The following TOX variants were observed in gnomAD, a reference collection of about 807,000 sequenced individuals.
TOX encodes thymocyte selection-associated high mobility group box protein TOX.
In TOX, 11 loss-of-function variants were observed where a neutral mutation model predicts 53.7. That is an observed-to-expected ratio of 0.20 (90% CI 0.13 to 0.34). The LOEUF is 0.34. Ranked by LOEUF, TOX falls within the 10% of genes least tolerant of loss-of-function variation. TOX has a pLI of 1.00. For missense variants in TOX, 570 were observed against 664.6 expected, an observed-to-expected ratio of 0.86 and a Z score of 1.56; for synonymous variants, 225 against 245.3, an observed-to-expected ratio of 0.92 and a Z score of 0.77.
At chr8:59,030,107 C>T (rs1585974881) in intron 1 of TOX, among the ~76,000 whole-genome samples, 1 of 152,092 alleles carries the variant, frequency 6.6e-6, no homozygotes, top group East Asian at 1.9e-4. Context: ...AAGTTATAAT[C>T]AAGAGGAAAG....
intron 2 of TOX, among the ~76,000 whole-genome samples, chr8:58,942,071 G>T (rs1244259112): frequency 6.9e-6 from 1 of 144,396 alleles, no homozygotes; most frequent in East Asian, 2.0e-4. Context: ...AAAAAAAAAA[G>T]AGAAAAGAGA....
Position 58,838,233 on chromosome 8 carries a change from G to T in TOX, c.772C>A (p.Pro258Thr), listed in dbSNP as rs1257231561. The T allele has an allele frequency of 6.2e-7, 1 of 1,614,148 alleles. No homozygotes were observed. The highest frequency in any genetic ancestry group is 2.2e-5 in the East Asian group (1 of 44,888). The change falls in exon 5 of 9, where the codon CCC (proline) becomes ACC (threonine). Residue 258 changes from proline to threonine, a missense_variant. This residue lies in a region of TOX where 49 missense variants were observed against 98.9 expected (regional missense o/e 0.50). Coordinates refer to ENST00000361421, the MANE Select transcript of TOX (RefSeq NM_014729.3). ...KTPKKKKKKD[P>T]NEPQKPVSAY... ...GACACAGGCTTCTGGGGCTCATTGG[G>T]ATCCTTCTTCTTCTTCTTTTTGGGA...
intron 1 of TOX, among the ~76,000 whole-genome samples, chr8:58,996,997 T>C (rs1813572010): frequency 6.6e-6 from 1 of 152,210 alleles, no homozygotes; most frequent in African/African-American, 2.4e-5. Flanking sequence ...CTAAGTAGTT[T>C]TAGAAATGCA....
At chr8:59,048,998 T>C (rs2129421191) in intron 1 of TOX, among the ~76,000 whole-genome samples, 1 of 152,268 alleles carries the variant, frequency 6.6e-6, no homozygotes, top group South Asian at 2.1e-4. Context: ...TTAAAATTAG[T>C]CATGAGCTCT....
At chr8:59,026,059 A>T (rs1376409102) in intron 1 of TOX, among the ~76,000 whole-genome samples, 3 of 152,152 alleles carry the variant, frequency 2.0e-5, no homozygotes, top group Non-Finnish European at 2.9e-5. Context: ...CCAAGTTTAT[A>T]TGCTCTATCT....
In TOX at chr8:59,119,142, G is replaced by C. The variant is rs1226818632; in HGVS notation, c.-155C>G. The C allele has an allele frequency of 1.9e-5, 7 of 366,448 alleles. No homozygotes were observed. Among genetic ancestry groups the C allele is most frequent in the African/African-American group, 4.5e-5 (2 of 44,810 alleles). 22.7% of individuals were successfully genotyped at this position (366,448 alleles called of 1,614,324 possible). On this transcript the variant is annotated 5_prime_UTR_variant, in exon 1 of 9. Transcript: ENST00000361421. ...CATCCGTTTGTGGTTTGTTTAAGAA[G>C]AAGAGGAAAAAAAAAAAAAAGAGGG...
At chr8:58,822,163 T>C (rs893817342) in intron 6 of TOX, among the ~76,000 whole-genome samples, 2 of 152,252 alleles carry the variant, frequency 1.3e-5, no homozygotes, top group African/African-American at 4.8e-5. Flanking sequence ...ATTAAATTAA[T>C]CTAATTTGAA....
Position 59,117,832 on chromosome 8 carries a change from A to G in TOX, c.102+1054T>C, listed in dbSNP as rs375392765. Among the ~76,000 whole-genome samples the G allele has an allele frequency of 3.7e-4, 57 of 152,322 alleles. No homozygotes were observed. In the Middle Eastern group the frequency reaches 0.017, roughly 45 times the overall value. ...CCCGCCCAGCGTTTTAGAGAACTCA[A>G]TTCTCTCTGCCAACGTTCATCCAAC... On this transcript the variant is annotated intron_variant, in intron 1 of 8. Coordinates refer to ENST00000361421, the MANE Select transcript of TOX (RefSeq NM_014729.3). The surrounding 1 kb of genome is among the most constrained non-coding windows in gnomAD (Gnocchi z 4.6).
chr8:58,920,721 T>TAAAAAA (rs5891703), intron 3 of TOX, among the ~76,000 whole-genome samples: 4 of 81,038 alleles, frequency 4.9e-5, no homozygotes, highest in Non-Finnish European at 6.6e-5. Flanking sequence ...AAAAAAACAT[T>TAAAAAA]AAAAAAAAAA....
At chr8:58,957,607 T>TAGC (rs1489856884) in intron 2 of TOX, among the ~76,000 whole-genome samples, 2 of 152,228 alleles carry the variant, frequency 1.3e-5, no homozygotes, top group African/African-American at 4.8e-5. Flanking sequence ...AGTTTAGAAT[T>TAGC]ATGCTATTTG....
chr8:58,919,011 C>A (rs1812027267), intron 3 of TOX, among the ~76,000 whole-genome samples: 1 of 145,526 alleles, frequency 6.9e-6, no homozygotes, highest in Non-Finnish European at 1.5e-5. Flanking sequence ...ATGTGAAGGA[C>A]CTCTTCAAGG....
chr8:59,054,945 A>AT (rs1803863390), intron 1 of TOX, among the ~76,000 whole-genome samples: 1 of 137,990 alleles, frequency 7.2e-6, no homozygotes, highest in East Asian at 3.6e-4. Flanking sequence ...AAAGAAAGGA[A>AT]AAAGAGAGGA....
intron 1 of TOX, among the ~76,000 whole-genome samples, chr8:59,085,838 C>T (rs1412534257): frequency 1.3e-5 from 2 of 152,202 alleles, no homozygotes; most frequent in East Asian, 3.9e-4. Flanking sequence ...GTAGGAGAGA[C>T]TTACGAGAAA....
chr8:59,105,296 T>C (rs1169113018), intron 1 of TOX, among the ~76,000 whole-genome samples: 1 of 152,226 alleles, frequency 6.6e-6, no homozygotes, highest in Non-Finnish European at 1.5e-5. Flanking sequence ...AAATGTTCTC[T>C]GCTTGATAAA....
chr8:58,937,652 A>T (rs1812369118), intron 3 of TOX, among the ~76,000 whole-genome samples: 1 of 152,188 alleles, frequency 6.6e-6, no homozygotes, highest in African/African-American at 2.4e-5. Flanking sequence ...ACTAGAAAGG[A>T]GGTAAATTTT....
At chr8:58,833,581 C>T (rs1309307140) in intron 5 of TOX, among the ~76,000 whole-genome samples, 1 of 152,204 alleles carries the variant, frequency 6.6e-6, no homozygotes, top group Non-Finnish European at 1.5e-5. Context: ...ATATTGTTAA[C>T]TTATTTTTCT....
intron 5 of TOX, among the ~76,000 whole-genome samples, chr8:58,837,261 C>T (rs1406624973): frequency 6.6e-6 from 1 of 152,200 alleles, no homozygotes; most frequent in African/African-American, 2.4e-5. Context: ...TGCACCTACA[C>T]AGTTATTTCA....
At chr8:58,834,618 C>T (rs150997670) in intron 5 of TOX, among the ~76,000 whole-genome samples, 4 of 152,322 alleles carry the variant, frequency 2.6e-5, no homozygotes, top group African/African-American at 9.6e-5. Context: ...TTTCTGGATG[C>T]CCAAATGTGC....
At chr8:58,814,532 A>G (rs1441561429) in intron 7 of TOX, 2 of 152,176 alleles carry the variant, frequency 1.3e-5, no homozygotes, top group Non-Finnish European at 2.9e-5. Context: ...ATTGGCTATG[A>G]TACTGCCACT....
Sources: gnomAD v4.1 joint callset for allele counts (sites outside exome capture counted in the v4.1 genomes callset) on GRCh38, gnomAD v4.1.1 for gene constraint, gnomAD v4.1.1 regional missense constraint, Gnocchi (gnomAD v3.1) non-coding constraint, MANE v1.5 for transcripts, NCBI Gene and HGNC (gene_info 2026-07-23, HGNC 2026-07-21) for gene names.